The following PAN3 variants were observed in gnomAD, a reference collection of about 807,000 sequenced individuals.
PAN3 encodes the protein PAN2-PAN3 deadenylation complex subunit PAN3.
Under a neutral mutation model 96.2 loss-of-function variants are expected in PAN3, and 19 were observed. The observed-to-expected ratio is 0.20, with a 90% CI of 0.14 to 0.29. The LOEUF (loss-of-function observed/expected upper bound fraction) is 0.29, where lower values mean the gene tolerates loss of function less well. Ranked by LOEUF, PAN3 falls within the 10% of genes least tolerant of loss-of-function variation. The probability of loss-of-function intolerance (pLI) is 1.00; values close to 1 mark genes in which losing one functional copy is unlikely to be tolerated. For synonymous variants in PAN3, 433 were observed against 406.6 expected, an observed-to-expected ratio of 1.06 and a Z score of -0.78; for missense variants, 882 against 1,108.1, an observed-to-expected ratio of 0.80 and a Z score of 2.90.
Position 28,138,906 on chromosome 13 carries a change from C to T in PAN3, c.249C>T (p.Ser83=). 7.2e-7 allele frequency: 1 copy of T among 1,385,534 alleles called. No homozygotes were observed. Among genetic ancestry groups the T allele is most frequent in the Non-Finnish European group, 9.3e-7 (1 of 1,073,946 alleles). 85.8% of individuals were successfully genotyped at this position (1,385,534 alleles called of 1,614,324 possible). A position where few individuals can be genotyped will look rare whatever the true frequency, so the allele number is the denominator to read the frequency against. Residue 83 remains serine (S), a synonymous_variant, in exon 1 of 19, where the codon AGC becomes AGT. Transcript: ENST00000380958. The part of the protein sequence containing the change: ...AGAAPGLGLH[S]NSVPLALAGA... ...CTGCCCCGGGCCTCGGCCTCCATAG[C>T]AACAGCGTCCCCCTGGCTCTGGCTG...
At chr13:28,143,012 A>T (rs1005151681) in intron 1 of PAN3, among the ~76,000 whole-genome samples, 1 of 152,202 alleles carries the variant, frequency 6.6e-6, no homozygotes, top group African/African-American at 2.4e-5. Flanking sequence ...TTTTGCAGCC[A>T]TTGGAAAACT....
At chr13:28,156,421 T>C (rs1270088529) in intron 1 of PAN3, among the ~76,000 whole-genome samples, 2 of 152,046 alleles carry the variant, frequency 1.3e-5, no homozygotes, top group Admixed American at 6.6e-5. Flanking sequence ...ATAAAAAACC[T>C]ACCAACCAGA....
At chr13:28,223,947 C>T (rs910227639) in intron 6 of PAN3, among the ~76,000 whole-genome samples, 1 of 137,142 alleles carries the variant, frequency 7.3e-6, no homozygotes, top group Admixed American at 7.6e-5. Flanking sequence ...TGGCTCATTC[C>T]AAGCTCGGCC....
Position 28,281,377 on chromosome 13 carries a change from G to A in PAN3, c.2382G>A (p.Pro794=), listed in dbSNP as rs777877332. The A allele has an allele frequency of 1.8e-5, 29 of 1,605,692 alleles. No individual in the cohort carries two copies. The highest frequency in any genetic ancestry group is 3.3e-4 in the Middle Eastern group (2 of 6,066). ...LAKLGTINER[P]EFQKDPTWSE... ...AATTGGGAACAATCAATGAGAGGCCGGAGTAAGGATTTACAGTATTTTACA... is the reference window on the plus strand; with the variant it reads ...AATTGGGAACAATCAATGAGAGGCCAGAGTAAGGATTTACAGTATTTTACA... The change falls in exon 17 of 19, where the codon CCG becomes CCA. Residue 794 remains proline (P), a splice_region_variant and synonymous_variant. Transcript: ENST00000380958.
At chr13:28,150,520 C>G (rs928005555) in intron 1 of PAN3, among the ~76,000 whole-genome samples, 41 of 151,806 alleles carry the variant, frequency 2.7e-4, no homozygotes, top group African/African-American at 9.7e-4. Context: ...ACCTGTAGTA[C>G]CAGCTACTCG....
rs547279511 is a variant in PAN3 at position 28,292,408 on chromosome 13, A to C, written c.2550A>C (p.Ile850=). ...NKLDAGVPEK[I]SLISRDEKSV... is the part of the protein sequence containing the mutation. ...TAGATGCTGGTGTGCCAGAAAAAATAAGCCTGATTTCCAGAGATGAGAAGA... is the reference window on the plus strand; with the variant it reads ...TAGATGCTGGTGTGCCAGAAAAAATCAGCCTGATTTCCAGAGATGAGAAGA... The change falls in exon 19 of 19, where the codon ATA becomes ATC. Residue 850 remains isoleucine, a synonymous_variant. Coordinates refer to ENST00000380958, the MANE Select transcript of PAN3 (RefSeq NM_175854.8). The C allele has an allele frequency of 1.3e-5, 21 of 1,607,002 alleles. No homozygotes were observed. The highest frequency in any genetic ancestry group is 2.7e-5 in the African/African-American group (2 of 74,914).
intron 4 of PAN3, among the ~76,000 whole-genome samples, chr13:28,196,182 A>T (rs1219532473): frequency 6.6e-6 from 1 of 152,022 alleles, no homozygotes; most frequent in Non-Finnish European, 1.5e-5. Flanking sequence ...GAAGAAACTT[A>T]ATTTTAACTC....
intron 5 of PAN3, chr13:28,215,049 A>G (rs1880558276): frequency 4.5e-6 from 5 of 1,103,484 alleles, no homozygotes; most frequent in Non-Finnish European, 6.8e-6. Flanking sequence ...CACTTATATT[A>G]ATAAAATTGG....
At chr13:28,270,908 T>TA in intron 13 of PAN3, 42 bp downstream of exon 13, 3 of 1,556,026 alleles carry the variant, frequency 1.9e-6, no homozygotes, top group Non-Finnish European at 2.6e-6. Flanking sequence ...TTGAGCGTCT[T>TA]ACCTTTGACA....
At chr13:28,286,289 A>G (rs1232765001) in intron 17 of PAN3, among the ~76,000 whole-genome samples, 1 of 152,218 alleles carries the variant, frequency 6.6e-6, no homozygotes, top group African/African-American at 2.4e-5. Flanking sequence ...GGTGTCATCC[A>G]GCACTCCTCA....
chr13:28,239,177 A>ACACACACGCATGCACACACG (rs1883390910), intron 6 of PAN3, among the ~76,000 whole-genome samples: 1 of 97,032 alleles, frequency 1.0e-5, no homozygotes, highest in Non-Finnish European at 1.8e-5. Flanking sequence ...ACACACACAC[A>ACACACACGCATGCACACACG]CACACACACA....
intron 1 of PAN3, among the ~76,000 whole-genome samples, chr13:28,152,713 A>G (rs371208820): frequency 1.6e-3 from 245 of 152,332 alleles, no homozygotes; most frequent in African/African-American, 5.8e-3. Flanking sequence ...CATGGAGCTG[A>G]AGATAAATGT....
chr13:28,283,871 C>G (rs1156698030), intron 17 of PAN3, among the ~76,000 whole-genome samples: 1 of 152,156 alleles, frequency 6.6e-6, no homozygotes, highest in Non-Finnish European at 1.5e-5. Flanking sequence ...AACCACTATG[C>G]TATGTGTCTC....
At chr13:28,177,783 A>G (rs1593416320) in intron 3 of PAN3, 82 bp from the exon 4 acceptor site, 2 of 1,052,158 alleles carry the variant, frequency 1.9e-6, no homozygotes, top group East Asian at 4.8e-5. Context: ...TGATTTTTAT[A>G]GGCATTGTCA....
At chr13:28,173,350 T>G (rs942621162) in intron 1 of PAN3, among the ~76,000 whole-genome samples, 1 of 152,210 alleles carries the variant, frequency 6.6e-6, no homozygotes, top group Non-Finnish European at 1.5e-5. Flanking sequence ...ATGTAAATAT[T>G]TAGGTGTTTC....
At chr13:28,218,858 T>C (rs901673315) in intron 5 of PAN3, among the ~76,000 whole-genome samples, 6 of 152,184 alleles carry the variant, frequency 3.9e-5, no homozygotes, top group Non-Finnish European at 7.4e-5. Flanking sequence ...CTGGTAATCT[T>C]GCGTAATCCT....
At chr13:28,156,122 AG>A (rs2137999781) in intron 1 of PAN3, among the ~76,000 whole-genome samples, 1 of 152,344 alleles carries the variant, frequency 6.6e-6, no homozygotes, top group South Asian at 2.1e-4. Flanking sequence ...CAGTGAAAAG[AG>A]AAGTTGGTTA....
At chr13:28,155,482 G>A (rs1872018869) in intron 1 of PAN3, among the ~76,000 whole-genome samples, 1 of 152,076 alleles carries the variant, frequency 6.6e-6, no homozygotes, top group African/African-American at 2.4e-5. Context: ...CTCAGCCACT[G>A]GGAGGCTGAG....
intron 1 of PAN3, among the ~76,000 whole-genome samples, chr13:28,143,096 TTTTTTG>T (rs779722267): frequency 4.9e-4 from 75 of 152,088 alleles, no homozygotes; most frequent in Admixed American, 2.4e-3. Flanking sequence ...TGCAATTTGA[TTTTTTG>T]TTTTTGTTTT....
Sources: gnomAD v4.1 joint callset for allele counts (sites outside exome capture counted in the v4.1 genomes callset) on GRCh38, gnomAD v4.1.1 for gene constraint, MANE v1.5 for transcripts, NCBI Gene and HGNC (gene_info 2026-07-23, HGNC 2026-07-21) for gene names.